COL4A4: variants seen among roughly 807,000 people sequenced by gnomAD.
COL4A4 encodes the protein collagen type IV alpha 4 chain, also known as collagen alpha-4(IV) chain.
COL4A4 carries 105 observed loss-of-function variants against 192.9 expected under a neutral mutation model. The ratio of observed to expected loss-of-function variants is 0.54; its 90% CI spans 0.46 to 0.64. COL4A4 has a LOEUF of 0.64. Ranked by LOEUF, COL4A4 falls within the 30% of genes least tolerant of loss-of-function variation. COL4A4 has a pLI of 0.00. For synonymous variants in COL4A4, 762 were observed against 769.9 expected (o/e 0.99, Z 0.17); for missense variants, 1,967 against 2,169.3 (o/e 0.91, Z 1.85).
At chr2:227,013,507 C>A (rs1022831829) in intron 44 of COL4A4, among the ~76,000 whole-genome samples, 1 of 152,080 alleles carries the variant, frequency 6.6e-6, no homozygotes, top group African/African-American at 2.4e-5. Flanking sequence ...AGAAACGGAC[C>A]CCAGGGATGC....
At position 227,054,811 on chromosome 2, in the gene COL4A4, A is replaced by G. The variant is rs192647140; in HGVS notation, c.2717-74T>C. 2.0e-6 allele frequency: 3 copies of G among 1,474,732 alleles called. No homozygotes were observed. The East Asian group carries it at 7.4e-5, about 36-fold the overall frequency. 91.4% of individuals were successfully genotyped at this position (1,474,732 alleles called of 1,614,324 possible). On this transcript the variant is annotated intron_variant, in intron 30 of 47. Transcript: ENST00000396625. ...TTATTTTTTCAGGGGTGGGAGGTGG[A>G]CAGAGTCTCACTCTGTCACCCAGGC...
At chr2:226,971,668 G>A in the COL4A4 span, among the ~76,000 whole-genome samples, 1 of 152,148 alleles carries the variant, frequency 6.6e-6, no homozygotes, top group East Asian at 1.9e-4. Flanking sequence ...CAAATATTCA[G>A]ACAAGTTTCT....
At chr2:227,097,281 A>C (rs1277037266) in intron 19 of COL4A4, among the ~76,000 whole-genome samples, 1 of 152,226 alleles carries the variant, frequency 6.6e-6, no homozygotes, top group African/African-American at 2.4e-5. Flanking sequence ...GACAGCATTA[A>C]ATTTTTTTTA....
chr2:227,000,879 G>A (rs1484030744), downstream of COL4A4, among the ~76,000 whole-genome samples: 1 of 151,998 alleles, frequency 6.6e-6, no homozygotes, highest in East Asian at 1.9e-4. Context: ...TTTTGAAAAG[G>A]GGAGCTTCCC....
intron 40 of COL4A4, among the ~76,000 whole-genome samples, chr2:227,031,040 C>G (rs79704011): frequency 0.029 from 967 of 32,946 alleles, 15 homozygotes; most frequent in African/African-American, 0.1. Context: ...GTTGGATGGA[C>G]AGATGGATGG....
At chr2:227,024,524 G>A (rs1484154777) in intron 43 of COL4A4, among the ~76,000 whole-genome samples, 1 of 152,232 alleles carries the variant, frequency 6.6e-6, no homozygotes, top group Admixed American at 6.5e-5. Context: ...GATATCATCT[G>A]ATTAGCTATG....
chr2:227,128,373 TATTAATTGA>T (rs1350664808), intron 4 of COL4A4, among the ~76,000 whole-genome samples: 7 of 152,254 alleles, frequency 4.6e-5, no homozygotes, highest in Admixed American at 1.3e-4. Flanking sequence ...GACACAATGT[TATTAATTGA>T]ATTAATTGAA....
the COL4A4 span, among the ~76,000 whole-genome samples, chr2:226,985,884 T>A: frequency 0.016 from 2,506 of 152,358 alleles, 61 homozygotes; most frequent in African/African-American, 0.058. Flanking sequence ...TTTATCCAGG[T>A]AACTCTTAGT....
Position 227,094,134 on chromosome 2 carries a change from C to T in COL4A4, c.1360G>A (p.Gly454Arg), listed in dbSNP as rs1319908269. ...PGAPGLQGLP[G>R]SSVIYCSVGN... ...ATAAGGAGTACTTTACCACTTGATC[C>T]TGGGAGGCCCTGCAGGCCTGGTGCT... The change falls in exon 20 of 48, where the codon GGA becomes AGA. Residue 454 changes from glycine to arginine, a missense_variant. Coordinates refer to ENST00000396625, the MANE Select transcript of COL4A4 (RefSeq NM_000092.5). The T allele has an allele frequency of 4.3e-6, 7 of 1,613,556 alleles. No homozygotes were observed. In the Admixed American group the frequency reaches 1.2e-4, roughly 27 times the overall value.
intron 1 of COL4A4, among the ~76,000 whole-genome samples, chr2:227,158,272 C>T (rs1264662565): frequency 6.6e-6 from 1 of 152,024 alleles, no homozygotes; most frequent in Non-Finnish European, 1.5e-5. Flanking sequence ...GGTGCCACAA[C>T]AAGTGGATAT....
chr2:227,074,834 G>A (rs554920567), intron 25 of COL4A4, among the ~76,000 whole-genome samples: 9 of 152,236 alleles, frequency 5.9e-5, no homozygotes, highest in African/African-American at 1.4e-4. Context: ...TCTCACTTAC[G>A]AGTGGGAGGT....
At chr2:227,020,838 G>T (rs1261698360) in intron 44 of COL4A4, among the ~76,000 whole-genome samples, 1 of 149,870 alleles carries the variant, frequency 6.7e-6, no homozygotes, top group Non-Finnish European at 1.5e-5. Flanking sequence ...ATGCAGTGGG[G>T]ATATGTGGAA....
intron 37 of COL4A4, among the ~76,000 whole-genome samples, chr2:227,034,644 C>A (rs1476668135): frequency 6.7e-6 from 1 of 150,172 alleles, no homozygotes; most frequent in African/African-American, 2.5e-5. Flanking sequence ...TATACATGTG[C>A]CATGCTGGTG....
chr2:227,085,339 A>G lies in COL4A4; in HGVS notation c.1624-3152T>C, dbSNP rs139999064. Among the ~76,000 whole-genome samples, 420 of 152,236 alleles carry G rather than the reference A, an allele frequency of 2.8e-3. 2 individuals are homozygous for G. The highest frequency in any genetic ancestry group is 9.8e-3 in the African/African-American group (406 of 41,552). ...GAACGCAATAACCTTGTGTTCATAA[A>G]CTTCTAATATCTCAGGAGAAGCCAT... is the stretch of plus-strand genomic sequence containing the variant. On this transcript the variant is annotated intron_variant, in intron 22 of 47. Coordinates refer to ENST00000396625, the MANE Select transcript of COL4A4 (RefSeq NM_000092.5).
chr2:227,034,344 T>G (rs1188515172), intron 37 of COL4A4, among the ~76,000 whole-genome samples: 1 of 152,048 alleles, frequency 6.6e-6, no homozygotes, highest in Admixed American at 6.5e-5. Context: ...CTTGGTAAAG[T>G]TGGAGGAGGA....
chr2:226,995,768 A>G, the COL4A4 span: 1 of 497,172 alleles, frequency 2.0e-6, no homozygotes, highest in Non-Finnish European at 3.5e-6. Flanking sequence ...TGAAGAGACC[A>G]GTTTCCACGC....
chr2:227,082,839 C>T (rs1204929521), intron 22 of COL4A4, among the ~76,000 whole-genome samples: 1 of 152,308 alleles, frequency 6.6e-6, no homozygotes, highest in Non-Finnish European at 1.5e-5. Flanking sequence ...GGCTGACATG[C>T]TCATGCTCTC....
chr2:227,010,994 C>A lies in COL4A4; in HGVS notation c.4334-493G>T, dbSNP rs190876463. 8.9e-4 allele frequency among the ~76,000 whole-genome samples: 136 copies of A among 152,310 alleles called. 1 individual carries two copies. The highest frequency in any genetic ancestry group is 3.1e-3 in the African/African-American group (128 of 41,568). On this transcript the variant is annotated intron_variant, in intron 45 of 47. Transcript: ENST00000396625. Reference sequence around the variant, plus strand: ...GTTCCAGCATATTATCAGTTCCATTCTGAGAAAGCCAAAGGCTTGGGATCC... The same window carrying A: ...GTTCCAGCATATTATCAGTTCCATTATGAGAAAGCCAAAGGCTTGGGATCC...
Position 227,115,046 on chromosome 2 carries a change from G to A in COL4A4, c.490-350C>T, listed in dbSNP as rs900833128. On this transcript the variant is annotated intron_variant, in intron 7 of 47. Transcript: ENST00000396625. ...ATTTATGCCCTAGAAACAGTAAAACGTATATATATATATAGAGAGAGAGAT... is the reference window on the plus strand; with the variant it reads ...ATTTATGCCCTAGAAACAGTAAAACATATATATATATATAGAGAGAGAGAT... 6.1e-4 allele frequency among the ~76,000 whole-genome samples: 91 copies of A among 149,958 alleles called. 1 individual carries two copies. The highest frequency in any genetic ancestry group is 1.7e-3 in the African/African-American group (70 of 40,308).
Sources: gnomAD v4.1 joint callset for allele counts (sites outside exome capture counted in the v4.1 genomes callset) on GRCh38, gnomAD v4.1.1 for gene constraint, MANE v1.5 for transcripts, NCBI Gene and HGNC (gene_info 2026-07-23, HGNC 2026-07-21) for gene names.